RBPJ: variants seen among roughly 807,000 people sequenced by gnomAD.
The protein encoded by RBPJ is recombining binding protein suppressor of hairless.
A neutral mutation model predicts 67.8 loss-of-function variants in RBPJ; 9 were observed. That is an observed-to-expected ratio of 0.13 (90% CI 0.08 to 0.23). RBPJ has a LOEUF of 0.23. RBPJ is among the 10% of genes least tolerant of loss of function. The probability of loss-of-function intolerance (pLI) is 1.00; values close to 1 mark genes in which losing one functional copy is unlikely to be tolerated. For missense variants in RBPJ, 305 were observed against 595.6 expected (o/e 0.51, Z 5.08); for synonymous variants, 198 against 203.3 (o/e 0.97, Z 0.22).
the RBPJ span, among the ~76,000 whole-genome samples, chr4:26,147,016 G>A: frequency 6.6e-6 from 1 of 152,336 alleles, no homozygotes. Flanking sequence ...GGAGGGAGTT[G>A]CCCAATGAGG....
intron 7 of RBPJ, chr4:26,428,501 G>T (rs553784990): frequency 9.2e-6 from 4 of 432,920 alleles, no homozygotes; most frequent in African/African-American, 6.2e-5. Context: ...GTTCAGGGAA[G>T]AGGGTAACAG....
chr4:26,119,792 A>G, the RBPJ span, among the ~76,000 whole-genome samples: 1 of 152,244 alleles, frequency 6.6e-6, no homozygotes, highest in Admixed American at 6.5e-5. Flanking sequence ...GATACAAAGC[A>G]GAACATAAAT....
At chr4:26,254,908 G>A (rs1381381125) in intron 1 of RBPJ, among the ~76,000 whole-genome samples, 3 of 117,570 alleles carry the variant, frequency 2.6e-5, no homozygotes, top group Non-Finnish European at 4.8e-5. Context: ...GGCTGGTGTC[G>A]AGACCAAGCT....
At chr4:26,202,060 C>A (rs111922155) in intron 1 of RBPJ, among the ~76,000 whole-genome samples, 1,591 of 152,306 alleles carry the variant, frequency 0.01, 25 homozygotes, top group African/African-American at 0.037. Context: ...CTTTTTCTGG[C>A]TGCTTCTTCT....
chr4:26,255,296 C>G (rs1266565446), intron 1 of RBPJ, among the ~76,000 whole-genome samples: 6 of 119,938 alleles, frequency 5.0e-5, no homozygotes, highest in African/African-American at 1.5e-4. Context: ...CCCAGCTACT[C>G]GGGAGGCTGA....
At chr4:26,302,998 T>C (rs911398641) in intron 1 of RBPJ, among the ~76,000 whole-genome samples, 60 of 151,592 alleles carry the variant, frequency 4.0e-4, no homozygotes, top group African/African-American at 1.4e-3. Context: ...CTGGCCAACA[T>C]AGTCATACCC....
intron 1 of RBPJ, among the ~76,000 whole-genome samples, chr4:26,374,546 C>T (rs560498032): frequency 4.3e-4 from 65 of 151,520 alleles, no homozygotes; most frequent in Non-Finnish European, 7.1e-4. Context: ...ACCATTTCGG[C>T]TCACTGCAAC....
At chr4:26,127,762 T>C in the RBPJ span, among the ~76,000 whole-genome samples, 3 of 152,090 alleles carry the variant, frequency 2.0e-5, no homozygotes, top group Non-Finnish European at 4.4e-5. Flanking sequence ...AGTAAGACAC[T>C]CCAAGTAGAG....
chr4:26,382,904 A>G (rs181385478), intron 1 of RBPJ, among the ~76,000 whole-genome samples: 125 of 152,290 alleles, frequency 8.2e-4, no homozygotes, highest in Non-Finnish European at 1.3e-3. Context: ...TAATTTTCTT[A>G]TTCTTTCCAT....
rs114063466 is a variant in RBPJ, at chr4:26,424,362, A to C, written c.517A>C (p.Lys173Gln). ...TGCAGTATGCATTGCCTCAGGAACA[A>C]AGGTGGCTCTGTTTAATCGACTACG... is the stretch of plus-strand genomic sequence containing the variant. Reference protein sequence around the residue: ...NADLCIASGTKVALFNRLRSQ... With the variant: ...NADLCIASGTQVALFNRLRSQ... The change falls in exon 6 of 11, where the codon AAG (lysine) becomes CAG (glutamine). Residue 173 changes from lysine to glutamine, a missense_variant. Lys to Gln is a moderately conservative substitution (Grantham distance 53, BLOSUM62 1). Transcript: ENST00000355476. This position sits in a 1 kb window ranked among gnomAD's most constrained non-coding sequence, Gnocchi z 5.3. 6.2e-7 allele frequency: 1 copy of C among 1,613,926 alleles called. No individual in the cohort carries two copies. Among genetic ancestry groups the C allele is most frequent in the Non-Finnish European group, 8.5e-7 (1 of 1,179,988 alleles).
chr4:26,272,597 A>G (rs911744343), intron 1 of RBPJ: 3 of 416,232 alleles, frequency 7.2e-6, no homozygotes, highest in African/African-American at 6.3e-5. Context: ...AATAAATAAA[A>G]AATAAATAAA....
At chr4:26,335,799 A>G (rs1177683475) in intron 1 of RBPJ, among the ~76,000 whole-genome samples, 4 of 146,912 alleles carry the variant, frequency 2.7e-5, no homozygotes, top group African/African-American at 1.0e-4. Context: ...TTTTTTTTGT[A>G]TTTTCAGTAG....
intron 1 of RBPJ, among the ~76,000 whole-genome samples, chr4:26,314,150 T>C (rs559743373): frequency 4.6e-5 from 7 of 152,184 alleles, no homozygotes; most frequent in Admixed American, 6.5e-5. Flanking sequence ...TATATATCAC[T>C]GTTTTGCAGT....
intron 1 of RBPJ, among the ~76,000 whole-genome samples, chr4:26,169,420 G>C (rs770909291): frequency 1.3e-5 from 2 of 152,196 alleles, no homozygotes; most frequent in Non-Finnish European, 2.9e-5. Flanking sequence ...CTGTCTGATC[G>C]TTCCTCTGGA....
chr4:26,183,126 T>C (rs1717076266), intron 1 of RBPJ, among the ~76,000 whole-genome samples: 1 of 152,256 alleles, frequency 6.6e-6, no homozygotes, highest in South Asian at 2.1e-4. Context: ...CATTACATAC[T>C]GTACATAGTT....
chr4:26,325,892 G>C (rs2109338888), intron 1 of RBPJ, among the ~76,000 whole-genome samples: 1 of 152,216 alleles, frequency 6.6e-6, no homozygotes, highest in African/African-American at 2.4e-5. Flanking sequence ...GTTGGTGCCT[G>C]GCTGTATAAA....
intron 1 of RBPJ, among the ~76,000 whole-genome samples, chr4:26,375,673 A>G (rs757875973): frequency 8.5e-5 from 13 of 152,236 alleles, no homozygotes; most frequent in Non-Finnish European, 1.5e-4. Context: ...GACGTCTTCT[A>G]TGTACAAGCC....
chr4:26,244,279 G>GTC (rs1370695561), intron 1 of RBPJ, among the ~76,000 whole-genome samples: 66 of 103,664 alleles, frequency 6.4e-4, no homozygotes, highest in African/African-American at 8.4e-4. Flanking sequence ...ACATATATGT[G>GTC]TGTATATGTA....
At chr4:26,320,930 G>C (rs1722958755), upstream of RBPJ, 11 of 1,608,876 alleles carry the variant, frequency 6.8e-6, no homozygotes, top group Non-Finnish European at 8.5e-7. Flanking sequence ...GGGTGGAATC[G>C]AGGAGTGAGG....
Sources: allele counts gnomAD v4.1 joint callset (sites outside exome capture counted in the v4.1 genomes callset), GRCh38; gene constraint gnomAD v4.1.1; non-coding constraint Gnocchi (gnomAD v3.1); transcripts MANE v1.5; gene names NCBI Gene and HGNC (gene_info 2026-07-23, HGNC 2026-07-21).